Variants in MAGI1 observed in about 807,000 individuals in gnomAD.
MAGI1 encodes membrane-associated guanylate kinase, WW and PDZ domain-containing protein 1.
Under a neutral mutation model 139.9 loss-of-function variants are expected in MAGI1, and 58 were observed. The ratio of observed to expected loss-of-function variants is 0.41; its 90% CI spans 0.34 to 0.52. The LOEUF is 0.52. Ranked by LOEUF, MAGI1 falls within the 20% of genes least tolerant of loss-of-function variation. MAGI1 has a pLI of 0.12. For synonymous variants in MAGI1, 812 were observed against 737.9 expected, an observed-to-expected ratio of 1.10 and a Z score of -1.63; for missense variants, 1,874 against 1,901.6, an observed-to-expected ratio of 0.99 and a Z score of 0.27.
At chr3:65,427,344 A>C (rs1193191851) in intron 12 of MAGI1, among the ~76,000 whole-genome samples, 2 of 152,162 alleles carry the variant, frequency 1.3e-5, no homozygotes, top group East Asian at 3.9e-4. Flanking sequence ...ATCAAGGAGT[A>C]CGTTTCTATA....
intron 22 of MAGI1, 29 bp from the exon 23 acceptor site, chr3:65,357,161 T>A (rs770773818): frequency 1.9e-6 from 3 of 1,578,662 alleles, no homozygotes; most frequent in Non-Finnish European, 2.6e-6. Context: ...AGAGCAACAG[T>A]TGGGTACGAA....
At chr3:65,395,096 C>G (rs1390480850) in intron 13 of MAGI1, among the ~76,000 whole-genome samples, 1 of 152,096 alleles carries the variant, frequency 6.6e-6, no homozygotes, top group Admixed American at 6.5e-5. Flanking sequence ...GCCCTACCTG[C>G]AATAGATTTA....
In MAGI1 at chr3:65,453,292, C is replaced by T. The variant is rs1949157794; in HGVS notation, c.1008G>A (p.Lys336=). 1.9e-6 allele frequency: 3 copies of T among 1,612,096 alleles called. No homozygotes were observed. The East Asian group carries it at 6.7e-5, about 36-fold the overall frequency. ...CACACTCTTCCAGTGGCTTCTGCTG[C>T]TTGTTTAGGCACCGAGGGTCTAACC... is the stretch of plus-strand genomic sequence containing the variant. ...TSWLDPRCLN[K]QQKPLEECED... is the part of the protein sequence containing the mutation. The change falls in exon 6 of 23, where the codon AAG becomes AAA. Residue 336 remains lysine, a synonymous_variant. Transcript: ENST00000402939.
At chr3:65,376,931 C>T (rs1375526894) in intron 17 of MAGI1, among the ~76,000 whole-genome samples, 1 of 152,146 alleles carries the variant, frequency 6.6e-6, no homozygotes, top group African/African-American at 2.4e-5. Flanking sequence ...GGCTTTGAGG[C>T]CTGACATAGG....
chr3:65,967,671 G>A (rs1017474632), intron 1 of MAGI1, among the ~76,000 whole-genome samples: 2 of 152,200 alleles, frequency 1.3e-5, no homozygotes, highest in Non-Finnish European at 2.9e-5. Flanking sequence ...TCTTGACGCT[G>A]TACATGCAAA....
At chr3:65,936,781 G>C (rs977028331) in intron 1 of MAGI1, among the ~76,000 whole-genome samples, 7 of 152,054 alleles carry the variant, frequency 4.6e-5, no homozygotes, top group African/African-American at 1.7e-4. Context: ...ATCGAGGCTG[G>C]AGTACAGTAG....
chr3:65,769,830 C>T (rs1318937172), intron 1 of MAGI1, among the ~76,000 whole-genome samples: 1 of 152,144 alleles, frequency 6.6e-6, no homozygotes, highest in Non-Finnish European at 1.5e-5. Flanking sequence ...TTCAGGTTTT[C>T]GGATAGAAGG....
chr3:65,919,259 C>T (rs1473898309), intron 1 of MAGI1, among the ~76,000 whole-genome samples: 3 of 152,190 alleles, frequency 2.0e-5, no homozygotes, highest in Non-Finnish European at 2.9e-5. Flanking sequence ...TACTTCTTAA[C>T]CTCCAAAATG....
At chr3:65,527,779 G>C (rs866207814) in intron 2 of MAGI1, among the ~76,000 whole-genome samples, 6 of 151,770 alleles carry the variant, frequency 4.0e-5, no homozygotes, top group South Asian at 4.2e-4. Flanking sequence ...GCCAGGAGTG[G>C]TGGTGCATGC....
At chr3:65,706,165 T>A (rs1311276987) in intron 1 of MAGI1, among the ~76,000 whole-genome samples, 1 of 152,228 alleles carries the variant, frequency 6.6e-6, no homozygotes, top group Non-Finnish European at 1.5e-5. Flanking sequence ...TAGTAGATGG[T>A]ACACGGGCTA....
intron 1 of MAGI1, among the ~76,000 whole-genome samples, chr3:65,832,382 A>G (rs140394091): frequency 7.7e-4 from 118 of 152,300 alleles, no homozygotes; most frequent in African/African-American, 2.8e-3. Flanking sequence ...ATGTAATGAA[A>G]CTGAACACAC....
chr3:66,032,601 T>C (rs2107602637), intron 1 of MAGI1, among the ~76,000 whole-genome samples: 1 of 151,634 alleles, frequency 6.6e-6, no homozygotes, highest in Non-Finnish European at 1.5e-5. Context: ...ACTTCTATTC[T>C]CATGGGAGGG....
At position 65,969,418 on chromosome 3, in the gene MAGI1, C is replaced by T. The variant is rs75335149; in HGVS notation, c.313+68578G>A. On this transcript the variant is annotated intron_variant, in intron 1 of 22. Coordinates refer to ENST00000402939, the MANE Select transcript of MAGI1 (RefSeq NM_001033057.2). ...GCATCCCTGGCCTCCATTCCCCCTCCTCGTAGTTGCAATAACCAAAAATAT... is the reference window on the plus strand; with the variant it reads ...GCATCCCTGGCCTCCATTCCCCCTCTTCGTAGTTGCAATAACCAAAAATAT... Among the ~76,000 whole-genome samples, 1,309 of 152,296 alleles carry T rather than the reference C, an allele frequency of 8.6e-3. 38 individuals are homozygous for T. Among genetic ancestry groups the T allele is most frequent in the East Asian group, 0.086 (445 of 5,178 alleles).
intron 1 of MAGI1, among the ~76,000 whole-genome samples, chr3:65,649,111 C>A (rs1489499995): frequency 6.6e-6 from 1 of 152,062 alleles, no homozygotes; most frequent in Non-Finnish European, 1.5e-5. Context: ...AAATGAAGTA[C>A]ACCTGTAATC....
chr3:65,497,166 G>C (rs1952516225), intron 2 of MAGI1, among the ~76,000 whole-genome samples: 1 of 152,108 alleles, frequency 6.6e-6, no homozygotes, highest in Admixed American at 6.5e-5. Flanking sequence ...ATAATATTAA[G>C]AGTGATCAGT....
intron 1 of MAGI1, among the ~76,000 whole-genome samples, chr3:65,863,478 CATT>C (rs750680014): frequency 6.6e-6 from 1 of 152,286 alleles, no homozygotes; most frequent in East Asian, 1.9e-4. Context: ...TTCCACGTAT[CATT>C]AAGTAGTATG....
At chr3:65,611,310 T>G (rs1217086411) in intron 2 of MAGI1, among the ~76,000 whole-genome samples, 1 of 142,004 alleles carries the variant, frequency 7.0e-6, no homozygotes, top group Non-Finnish European at 1.5e-5. Flanking sequence ...ATACTATATG[T>G]ACATATATGT....
At chr3:65,672,470 T>A (rs954490010) in intron 1 of MAGI1, among the ~76,000 whole-genome samples, 4 of 152,206 alleles carry the variant, frequency 2.6e-5, no homozygotes, top group African/African-American at 7.2e-5. Flanking sequence ...TCGGTTTAGG[T>A]CACACTTACT....
chr3:66,028,853 T>C (rs1197618965), intron 1 of MAGI1, among the ~76,000 whole-genome samples: 5 of 152,084 alleles, frequency 3.3e-5, no homozygotes, highest in Admixed American at 1.3e-4. Flanking sequence ...GTTTTTTTTC[T>C]AGACTTGAAA....
Sources: allele counts gnomAD v4.1 joint callset (sites outside exome capture counted in the v4.1 genomes callset), GRCh38; gene constraint gnomAD v4.1.1; transcripts MANE v1.5; gene names NCBI Gene and HGNC (gene_info 2026-07-23, HGNC 2026-07-21).